TRPC5: variants seen among roughly 807,000 people sequenced by gnomAD.
The protein encoded by TRPC5 is transient receptor potential cation channel subfamily C member 5.
A neutral mutation model predicts 56.5 loss-of-function variants in TRPC5; 9 were observed. The observed-to-expected ratio is 0.16, with a 90% CI of 0.10 to 0.28. TRPC5 has a LOEUF of 0.28. Ranked by LOEUF, TRPC5 falls within the 10% of genes least tolerant of loss-of-function variation. TRPC5 has a pLI of 1.00. For synonymous variants in TRPC5, 282 were observed against 278.5 expected (o/e 1.01, Z -0.13); for missense variants, 469 against 748.9 (o/e 0.63, Z 4.36).
chrX:112,058,194 G>A (rs937730092), intron 1 of TRPC5, among the ~76,000 whole-genome samples: 5 of 111,818 alleles, frequency 4.5e-5, no homozygotes, highest in Non-Finnish European at 9.4e-5. Context: ...CTTGGAGCTC[G>A]TCACCTAGGC....
At chrX:112,031,320 A>G (rs1457823346) in intron 1 of TRPC5, among the ~76,000 whole-genome samples, 1 of 111,890 alleles carries the variant, frequency 8.9e-6, no homozygotes, top group Non-Finnish European at 1.9e-5. Flanking sequence ...CCTGCCTTGA[A>G]TGAAAGGTCT....
intron 1 of TRPC5, among the ~76,000 whole-genome samples, chrX:111,966,044 G>C (rs1253946062): frequency 1.8e-5 from 2 of 111,631 alleles, no homozygotes; most frequent in Non-Finnish European, 3.8e-5. Flanking sequence ...CCAGGAGCTG[G>C]TGTTTTGAAA....
chrX:111,808,882 C>A, intron 7 of TRPC5, among the ~76,000 whole-genome samples: 1 of 109,935 alleles, frequency 9.1e-6, no homozygotes, highest in Non-Finnish European at 1.9e-5. Context: ...CCTTCCAGAA[C>A]TGAGTCCTTC....
At chrX:111,792,719 C>CA (rs1294286152) in intron 7 of TRPC5, among the ~76,000 whole-genome samples, 1 of 112,031 alleles carries the variant, frequency 8.9e-6, no homozygotes, top group South Asian at 3.8e-4. Flanking sequence ...GGGAATACAG[C>CA]AAGAGTCTTC....
At chrX:111,795,472 A>G (rs2039933352) in intron 7 of TRPC5, among the ~76,000 whole-genome samples, 3 of 110,845 alleles carry the variant, frequency 2.7e-5, no homozygotes, top group South Asian at 3.8e-4. Context: ...GATAAATCCC[A>G]TTTGGTTATT....
Position 111,817,924 on chromosome X carries a change from C to G in TRPC5, c.1896+16997G>C, listed in dbSNP as rs1051944839. Among the ~76,000 whole-genome samples the G allele has an allele frequency of 1.1e-4, 12 of 111,454 alleles. 1 individual carries two copies. Among genetic ancestry groups the G allele is most frequent in the Admixed American group, 8.6e-4 (9 of 10,470 alleles). On this transcript the variant is annotated intron_variant, in intron 7 of 10. Transcript: ENST00000262839. The stretch of plus-strand genomic sequence containing the variant: ...TTAGCCTCTCTTTAGCATCCTGCCA[C>G]ACCCCACTTCACATCAGAAGTGCCA...
intron 1 of TRPC5, among the ~76,000 whole-genome samples, chrX:111,982,025 T>A (rs1290247107): frequency 9.0e-6 from 1 of 111,087 alleles, no homozygotes; most frequent in African/African-American, 3.3e-5. Flanking sequence ...AGTGTGGTAC[T>A]TCCCCCCTCG....
intron 3 of TRPC5, among the ~76,000 whole-genome samples, chrX:111,905,864 A>C (rs559709084): frequency 9.6e-6 from 1 of 104,169 alleles, no homozygotes; most frequent in Non-Finnish European, 2.0e-5. Context: ...GCAGTGAGCC[A>C]AGATCGTGCC....
At chrX:112,009,995 TA>T (rs937441202) in intron 1 of TRPC5, among the ~76,000 whole-genome samples, 2 of 111,178 alleles carry the variant, frequency 1.8e-5, no homozygotes, top group East Asian at 2.8e-4. Context: ...TAAAGTATAA[TA>T]AAAAAAATCG....
rs764706724 is a variant in TRPC5, at chrX:111,999,052, C to T, written c.-21-46611G>A. On this transcript the variant is annotated intron_variant, in intron 1 of 10. Coordinates refer to ENST00000262839, the MANE Select transcript of TRPC5 (RefSeq NM_012471.3). ...CAACCCACCATCTAGGTTTTATGCC[C>T]CACATACATTAGGTATTTGTCCTAA... 7.2e-5 allele frequency among the ~76,000 whole-genome samples: 8 copies of T among 111,278 alleles called. No homozygotes were observed. The South Asian group carries it at 3.1e-3, about 43-fold the overall frequency.
chrX:112,019,530 G>A (rs1929215375), intron 1 of TRPC5, among the ~76,000 whole-genome samples: 1 of 110,616 alleles, frequency 9.0e-6, no homozygotes. Context: ...CCGCCTCGCG[G>A]GTTCACGCCA....
intron 1 of TRPC5, among the ~76,000 whole-genome samples, chrX:111,997,329 C>T (rs1490997493): frequency 4.5e-5 from 5 of 111,796 alleles, no homozygotes; most frequent in African/African-American, 1.6e-4. Context: ...TATTGGGCCC[C>T]ACTCTCTTCT....
At chrX:111,922,312 C>G (rs1047419993) in intron 2 of TRPC5, among the ~76,000 whole-genome samples, 2 of 111,808 alleles carry the variant, frequency 1.8e-5, no homozygotes, top group Admixed American at 9.5e-5. Context: ...CCCAACCTCT[C>G]CAACTGGCAC....
At chrX:111,995,572 C>T (rs1053395143) in intron 1 of TRPC5, among the ~76,000 whole-genome samples, 3 of 110,902 alleles carry the variant, frequency 2.7e-5, no homozygotes, top group African/African-American at 6.6e-5. Flanking sequence ...TGGTAGAATT[C>T]GGCTGTGAAT....
chrX:111,787,766 CAG>C (rs984975873), intron 7 of TRPC5, among the ~76,000 whole-genome samples: 4 of 111,567 alleles, frequency 3.6e-5, no homozygotes, highest in Non-Finnish European at 7.5e-5. Context: ...AAACTACCAT[CAG>C]GGAATACTAT....
intron 7 of TRPC5, among the ~76,000 whole-genome samples, chrX:111,804,832 A>G (rs1462682778): frequency 9.0e-6 from 1 of 111,592 alleles, no homozygotes; most frequent in East Asian, 2.8e-4. Context: ...CCAATTGAAT[A>G]TCCTTTATTT....
intron 3 of TRPC5, among the ~76,000 whole-genome samples, chrX:111,897,219 A>G (rs1925109139): frequency 9.0e-6 from 1 of 111,506 alleles, no homozygotes; most frequent in African/African-American, 3.3e-5. Flanking sequence ...AGCATTTTGG[A>G]TAAGGGATAC....
Position 111,881,145 on chromosome X carries a change from T to TATTTTA in TRPC5, c.901-27040_901-27039insTAAAAT, listed in dbSNP as rs201802293. Among the ~76,000 whole-genome samples, 574 of 95,025 alleles carry TATTTTA rather than the reference T, an allele frequency of 6.0e-3. 3 individuals are homozygous for TATTTTA. Among genetic ancestry groups the TATTTTA allele is most frequent in the African/African-American group, 0.031 (549 of 17,892 alleles). 82.5% of individuals were successfully genotyped at this position (95,025 alleles called of 115,157 possible). On this transcript the variant is annotated intron_variant, in intron 3 of 10. Coordinates refer to ENST00000262839, the MANE Select transcript of TRPC5 (RefSeq NM_012471.3). ...TTGCTGTTGTTTTGTGATTTTCTTTTGTTTATTTTATTTTATTTTATTTTA... is the reference window on the plus strand; with the variant it reads ...TTGCTGTTGTTTTGTGATTTTCTTTTATTTTAGTTTATTTTATTTTATTTTATTTTA...
At chrX:111,797,862 A>G (rs1020327737) in intron 7 of TRPC5, among the ~76,000 whole-genome samples, 2 of 111,640 alleles carry the variant, frequency 1.8e-5, no homozygotes, top group African/African-American at 6.5e-5. Flanking sequence ...CATAAAATTA[A>G]TTCTTTAAAA....
Sources: allele counts gnomAD v4.1 joint callset (sites outside exome capture counted in the v4.1 genomes callset), GRCh38; gene constraint gnomAD v4.1.1; transcripts MANE v1.5; gene names NCBI Gene and HGNC (gene_info 2026-07-23, HGNC 2026-07-21).